Variants in MCF2L2 observed in about 807,000 individuals in gnomAD.
MCF2L2 encodes probable guanine nucleotide exchange factor MCF2L2.
In MCF2L2, 102 loss-of-function variants were observed where a neutral mutation model predicts 150.2. That is an observed-to-expected ratio of 0.68 (90% CI 0.58 to 0.80). The LOEUF (loss-of-function observed/expected upper bound fraction) is 0.80, where lower values mean the gene tolerates loss of function less well. Ranked by LOEUF, MCF2L2 falls within the 30% of genes least tolerant of loss-of-function variation. MCF2L2 has a pLI of 0.00. For missense variants in MCF2L2, 1,256 were observed against 1,372.8 expected (o/e 0.91, Z 1.34); for synonymous variants, 465 against 491.3 (o/e 0.95, Z 0.71).
intron 1 of MCF2L2, among the ~76,000 whole-genome samples, chr3:183,398,048 G>T (rs1232141739): frequency 6.6e-6 from 1 of 152,152 alleles, no homozygotes; most frequent in Non-Finnish European, 1.5e-5. Context: ...TATGTATAGA[G>T]GTACTGCCTA....
At chr3:183,281,698 G>T (rs988298271) in intron 14 of MCF2L2, among the ~76,000 whole-genome samples, 1 of 152,056 alleles carries the variant, frequency 6.6e-6, no homozygotes, top group Non-Finnish European at 1.5e-5. Context: ...TTGGGAGGGC[G>T]ATTCCTGGAG....
At chr3:183,388,521 G>A (rs899167199) in intron 2 of MCF2L2, among the ~76,000 whole-genome samples, 24 of 152,202 alleles carry the variant, frequency 1.6e-4, no homozygotes, top group Admixed American at 1.4e-3. Context: ...GGAGACCACC[G>A]GCCTCGCAGA....
chr3:183,322,873 A>G (rs1729870686), intron 6 of MCF2L2, among the ~76,000 whole-genome samples: 1 of 152,194 alleles, frequency 6.6e-6, no homozygotes, highest in African/African-American at 2.4e-5. Flanking sequence ...TATGTACGTT[A>G]GAATCATCTG....
chr3:183,290,926 G>C (rs923894980), intron 13 of MCF2L2, among the ~76,000 whole-genome samples: 1 of 152,122 alleles, frequency 6.6e-6, no homozygotes, highest in Non-Finnish European at 1.5e-5. Context: ...ACTTGATGGA[G>C]GTTGACCATC....
chr3:183,370,359 C>T (rs961930302), intron 3 of MCF2L2, among the ~76,000 whole-genome samples: 4 of 152,226 alleles, frequency 2.6e-5, no homozygotes, highest in African/African-American at 9.6e-5. Context: ...CGAGCAATGC[C>T]CGGGTGGGGC....
At chr3:183,252,494 G>T (rs1036926301) in intron 15 of MCF2L2, among the ~76,000 whole-genome samples, 7 of 152,168 alleles carry the variant, frequency 4.6e-5, no homozygotes, top group African/African-American at 1.2e-4. Context: ...TAGTTTGAAT[G>T]AACAACAGTT....
At chr3:183,294,549 GTA>G (rs1445914714) in intron 13 of MCF2L2, among the ~76,000 whole-genome samples, 6 of 137,034 alleles carry the variant, frequency 4.4e-5, no homozygotes, top group African/African-American at 7.9e-5. Flanking sequence ...GTATATATAT[GTA>G]TGTGTGTGTG....
At chr3:183,275,863 A>T (rs1039380844) in intron 15 of MCF2L2, among the ~76,000 whole-genome samples, 1 of 152,036 alleles carries the variant, frequency 6.6e-6, no homozygotes, top group Non-Finnish European at 1.5e-5. Flanking sequence ...CAATCCTCCT[A>T]CCTCAGCCTC....
chr3:183,270,193 G>A lies in MCF2L2; in HGVS notation c.1862+6679C>T. ...AACATCAAAACTCTGTTTGCCTTAG[G>A]AACTCCTAATCCACTGGAGGGAGAA... On this transcript the variant is annotated intron_variant, in intron 15 of 29. Coordinates refer to ENST00000328913, the MANE Select transcript of MCF2L2 (RefSeq NM_015078.4). The surrounding 1 kb of genome is among the most constrained non-coding windows in gnomAD (Gnocchi z 4.5). 1 of 1,614,160 alleles carries A rather than the reference G, an allele frequency of 6.2e-7. No individual in the cohort carries two copies. Among genetic ancestry groups the A allele is most frequent in the Non-Finnish European group, 8.5e-7 (1 of 1,180,036 alleles).
chr3:183,427,808 C>G (rs1387547992), intron 1 of MCF2L2, 94 bp downstream of exon 1: 2 of 1,089,778 alleles, frequency 1.8e-6, no homozygotes, highest in African/African-American at 3.1e-5. Flanking sequence ...CGCGCTGCCC[C>G]GGGGCAGCGG....
In MCF2L2 at chr3:183,276,921, TC is replaced by T. The variant is rs1472421713; in HGVS notation, c.1812del (p.Asn605ThrfsTer31). On this transcript the variant is annotated frameshift_variant, in exon 15 of 30. Coordinates refer to ENST00000328913, the MANE Select transcript of MCF2L2 (RefSeq NM_015078.4). LOFTEE classifies it high-confidence loss of function. ...EEIFESHHER[G>X]NPELEQQARL... Reference sequence around the variant, plus strand: ...CTGGCCTGCTGCTCCAGCTCAGGGTTCCCCCTTTCATGATGGCTTTCAAAGA... The same window carrying T: ...CTGGCCTGCTGCTCCAGCTCAGGGTTCCCCTTTCATGATGGCTTTCAAAGA... 3 of 1,610,804 alleles carry T rather than the reference TC, an allele frequency of 1.9e-6. No individual in the cohort carries two copies. Among genetic ancestry groups the T allele is most frequent in the Non-Finnish European group, 1.7e-6 (2 of 1,178,404 alleles).
intron 27 of MCF2L2, among the ~76,000 whole-genome samples, chr3:183,186,433 A>AT (rs1480363096): frequency 2.0e-5 from 3 of 152,128 alleles, no homozygotes; most frequent in Non-Finnish European, 2.9e-5. Flanking sequence ...TTTAAAAAAA[A>AT]TTTTTTGTAG....
intron 10 of MCF2L2, among the ~76,000 whole-genome samples, chr3:183,301,167 C>T (rs1004101221): frequency 1.3e-5 from 2 of 152,104 alleles, no homozygotes; most frequent in Non-Finnish European, 2.9e-5. Context: ...CCAAGTTTTC[C>T]TGTTTGTTTA....
chr3:183,216,633 T>C (rs1460986083), intron 21 of MCF2L2, among the ~76,000 whole-genome samples: 1 of 123,172 alleles, frequency 8.1e-6, no homozygotes, highest in South Asian at 2.6e-4. Flanking sequence ...GAGAGAGAGT[T>C]TCACTCTGTC....
At chr3:183,216,801 C>T (rs1173001967) in intron 21 of MCF2L2, among the ~76,000 whole-genome samples, 34 of 149,856 alleles carry the variant, frequency 2.3e-4, no homozygotes, top group African/African-American at 7.1e-4. Flanking sequence ...GACGGAGTTT[C>T]GCCATGTTGA....
intron 5 of MCF2L2, among the ~76,000 whole-genome samples, chr3:183,332,168 A>G (rs1730297771): frequency 6.6e-6 from 1 of 152,206 alleles, no homozygotes; most frequent in Admixed American, 6.5e-5. Context: ...TGAGAAGGCA[A>G]CACGTATTGA....
rs532688796 is a variant in MCF2L2, at chr3:183,327,337, A to AAAAT, written c.487-3990_487-3987dup. 7.3e-3 allele frequency among the ~76,000 whole-genome samples: 1,110 copies of AAAAT among 152,152 alleles called. 7 individuals are homozygous for AAAAT. The highest frequency in any genetic ancestry group is 0.024 in the African/African-American group (1,010 of 41,490). On this transcript the variant is annotated intron_variant, in intron 5 of 29. Coordinates refer to ENST00000328913, the MANE Select transcript of MCF2L2 (RefSeq NM_015078.4). The stretch of plus-strand genomic sequence containing the variant: ...GAGACTCTGTCTCAAAAAATAAATA[A>AAAAT]AAATAAATAAATAAATAAATAAAAC...
intron 2 of MCF2L2, among the ~76,000 whole-genome samples, chr3:183,381,325 G>T (rs549119601): frequency 6.6e-6 from 1 of 152,130 alleles, no homozygotes; most frequent in Non-Finnish European, 1.5e-5. Flanking sequence ...GAGCAAAGGC[G>T]GGCAGTGTAC....
intron 9 of MCF2L2, among the ~76,000 whole-genome samples, chr3:183,310,182 G>A (rs550410541): frequency 2.0e-5 from 3 of 151,930 alleles, no homozygotes; most frequent in African/African-American, 7.2e-5. Flanking sequence ...GCAACATAGG[G>A]AGACCTCGTC....
Sources: allele counts gnomAD v4.1 joint callset (sites outside exome capture counted in the v4.1 genomes callset), GRCh38; gene constraint gnomAD v4.1.1; non-coding constraint Gnocchi (gnomAD v3.1); transcripts MANE v1.5; gene names NCBI Gene and HGNC (gene_info 2026-07-23, HGNC 2026-07-21).